The following EHHADH variants were observed in gnomAD, a reference collection of about 807,000 sequenced individuals.
EHHADH encodes peroxisomal bifunctional enzyme.
A neutral mutation model predicts 64.4 loss-of-function variants in EHHADH; 48 were observed. The ratio of observed to expected loss-of-function variants is 0.75; its 90% CI spans 0.59 to 0.95. EHHADH has a LOEUF of 0.95. EHHADH is among the 40% of genes least tolerant of loss of function. The pLI is 0.00. For missense variants in EHHADH, 854 were observed against 876.6 expected (o/e 0.97, Z 0.33); for synonymous variants, 308 against 326.7 (o/e 0.94, Z 0.62).
intron 5 of EHHADH, 121 bp downstream of exon 5, chr3:185,218,015 T>A (rs1401134155): frequency 3.7e-6 from 2 of 539,004 alleles, no homozygotes; most frequent in Non-Finnish European, 6.3e-6. Context: ...TCCGCCCACC[T>A]CGGACTCCCA....
chr3:185,205,449 A>C (rs1718361113), intron 5 of EHHADH, among the ~76,000 whole-genome samples: 2 of 152,218 alleles, frequency 1.3e-5, no homozygotes, highest in South Asian at 4.1e-4. Context: ...AAAAGGAGAC[A>C]GCGTGGTATT....
chr3:185,217,157 A>C (rs1028585145), intron 5 of EHHADH, among the ~76,000 whole-genome samples: 1 of 152,150 alleles, frequency 6.6e-6, no homozygotes, highest in Non-Finnish European at 1.5e-5. Flanking sequence ...GTGGGAGGTT[A>C]CTGGGTCATG....
intron 5 of EHHADH, among the ~76,000 whole-genome samples, chr3:185,205,082 A>G (rs927417540): frequency 6.6e-6 from 1 of 151,664 alleles, no homozygotes; most frequent in Non-Finnish European, 1.5e-5. Context: ...ATAGATTAAT[A>G]TTTAATCTGT....
rs942614475 is a variant in EHHADH at position 185,204,151 on chromosome 3, A to T, written c.910+265T>A. On this transcript the variant is annotated intron_variant, in intron 6 of 6. Transcript: ENST00000231887. ...CTGTCTCAAAAAAAAAAAAAAAAAA[A>T]AAAAAAAGAATAAAACATTCCCAGT... Among the ~76,000 whole-genome samples, 68 of 149,826 alleles carry T rather than the reference A, an allele frequency of 4.5e-4. 2 individuals carry two copies. The East Asian group carries it at 7.3e-3, about 16-fold the overall frequency.
At chr3:185,237,346 T>A (rs1719322639) in intron 2 of EHHADH, among the ~76,000 whole-genome samples, 1 of 152,218 alleles carries the variant, frequency 6.6e-6, no homozygotes, top group African/African-American at 2.4e-5. Context: ...ATTCCTTATA[T>A]CTTTTGTTTC....
Position 185,192,415 on chromosome 3 carries a change from G to C in EHHADH, c.1983C>G (p.Gly661=), listed in dbSNP as rs371169804. Residue 661 remains glycine (G), a synonymous_variant, in exon 7 of 7, where the codon GGC becomes GGG. Transcript: ENST00000231887. The part of the protein sequence containing the change: ...LHGYGWPRHK[G]GPMFYASTVG... ...CTGTGGAAGCATAGAACATGGGCCCGCCCTTGTGCCTTGGCCATCCATATC... is the reference window on the plus strand; with the variant it reads ...CTGTGGAAGCATAGAACATGGGCCCCCCCTTGTGCCTTGGCCATCCATATC... 6.2e-7 allele frequency: 1 copy of C among 1,614,178 alleles called. No homozygotes were observed. The highest frequency in any genetic ancestry group is 1.1e-5 in the South Asian group (1 of 91,078).
intron 4 of EHHADH, among the ~76,000 whole-genome samples, chr3:185,227,235 A>G (rs747107204): frequency 2.6e-5 from 4 of 152,206 alleles, no homozygotes; most frequent in Non-Finnish European, 5.9e-5. Context: ...ATCTTTGGGT[A>G]TAATAATATA....
chr3:185,248,341 C>CAGCT (rs1466461616), intron 2 of EHHADH, 73 bp downstream of exon 2: 1 of 1,063,272 alleles, frequency 9.4e-7, no homozygotes, highest in Non-Finnish European at 1.5e-6. Flanking sequence ...CCAACAAGCA[C>CAGCT]AGCTAATGCA....
chr3:185,199,626 T>C (rs570403478), intron 6 of EHHADH, among the ~76,000 whole-genome samples: 5 of 152,360 alleles, frequency 3.3e-5, no homozygotes, highest in East Asian at 1.9e-4. Context: ...AAAAGTACCA[T>C]TTTGTGGCAC....
chr3:185,214,990 C>T (rs781120896), intron 5 of EHHADH, among the ~76,000 whole-genome samples: 6 of 152,124 alleles, frequency 3.9e-5, no homozygotes, highest in Non-Finnish European at 7.4e-5. Context: ...GATTGTCCAG[C>T]TGCCTTCTAG....
chr3:185,199,037 A>G (rs1718154085), intron 6 of EHHADH, among the ~76,000 whole-genome samples: 1 of 152,184 alleles, frequency 6.6e-6, no homozygotes, highest in Non-Finnish European at 1.5e-5. Flanking sequence ...AAATGATGTG[A>G]AAAGTTCAAA....
chr3:185,226,085 C>A (rs1019858733), intron 4 of EHHADH, among the ~76,000 whole-genome samples: 1 of 152,124 alleles, frequency 6.6e-6, no homozygotes, highest in African/African-American at 2.4e-5. Context: ...TCCAAAGTGA[C>A]CCCCAGCAAG....
chr3:185,217,198 C>T (rs1240279670), intron 5 of EHHADH, among the ~76,000 whole-genome samples: 1 of 152,126 alleles, frequency 6.6e-6, no homozygotes, highest in Non-Finnish European at 1.5e-5. Flanking sequence ...GGTTTAGTAC[C>T]ATCCCCTTGG....
At chr3:185,224,318 G>A (rs1718914569) in intron 4 of EHHADH, among the ~76,000 whole-genome samples, 1 of 151,760 alleles carries the variant, frequency 6.6e-6, no homozygotes, top group Admixed American at 6.6e-5. Flanking sequence ...TGGTCAACAT[G>A]GTGAAACCTT....
At chr3:185,204,382 T>C (rs2108629455) in intron 6 of EHHADH, 34 bp downstream of exon 6, 1 of 1,549,636 alleles carries the variant, frequency 6.5e-7, no homozygotes, top group East Asian at 2.3e-5. Context: ...ATGAGCAGAT[T>C]TGGAGGATTC....
At chr3:185,249,962 G>T (rs1719701412) in intron 1 of EHHADH, among the ~76,000 whole-genome samples, 1 of 152,190 alleles carries the variant, frequency 6.6e-6, no homozygotes, top group Admixed American at 6.5e-5. Context: ...CCTGGCACCA[G>T]TGATGGTTAG....
Position 185,204,437 on chromosome 3 carries a change from C to T in EHHADH, c.889G>A (p.Val297Ile). 6.2e-7 allele frequency: 1 copy of T among 1,608,162 alleles called. No homozygotes were observed. Among genetic ancestry groups the T allele is most frequent in the Non-Finnish European group, 8.5e-7 (1 of 1,177,130 alleles). Reference protein sequence around the residue: ...ASWKTASARPVSSVGVVGLGT... With the variant: ...ASWKTASARPISSVGVVGLGT... ...TTACCAACAACACCAACTGAGGAGA[C>T]AGGCCGCGCTGATGCTGTTTTCCAC... is the stretch of plus-strand genomic sequence containing the variant. The change falls in exon 6 of 7, where the codon GTC becomes ATC. Residue 297 changes from valine to isoleucine, a missense_variant. Transcript: ENST00000231887.
intron 4 of EHHADH, among the ~76,000 whole-genome samples, chr3:185,222,066 T>G (rs920906348): frequency 6.6e-6 from 1 of 152,080 alleles, no homozygotes; most frequent in African/African-American, 2.4e-5. Flanking sequence ...AAATTAAAAC[T>G]GCAAGCTTTT....
chr3:185,252,626 C>A (rs1370220191), intron 1 of EHHADH, among the ~76,000 whole-genome samples: 1 of 152,080 alleles, frequency 6.6e-6, no homozygotes, highest in Non-Finnish European at 1.5e-5. Flanking sequence ...CTGGGAATGG[C>A]AAGTTAGTAG....
Sources: allele counts gnomAD v4.1 joint callset (sites outside exome capture counted in the v4.1 genomes callset), GRCh38; gene constraint gnomAD v4.1.1; transcripts MANE v1.5; gene names NCBI Gene and HGNC (gene_info 2026-07-23, HGNC 2026-07-21).